The following PAK2 variants were observed in gnomAD, a reference collection of about 807,000 sequenced individuals.
The protein encoded by PAK2 is serine/threonine-protein kinase PAK 2.
PAK2 carries 21 observed loss-of-function variants against 65.9 expected under a neutral mutation model. That is an observed-to-expected ratio of 0.32 (90% CI 0.23 to 0.46). The LOEUF is 0.46. Ranked by LOEUF, PAK2 falls within the 20% of genes least tolerant of loss-of-function variation. The probability of loss-of-function intolerance (pLI) is 1.00; values close to 1 mark genes in which losing one functional copy is unlikely to be tolerated. For missense variants in PAK2, 324 were observed against 642.6 expected (o/e 0.50, Z 5.36); for synonymous variants, 204 against 219.7 (o/e 0.93, Z 0.63).
chr3:196,786,807 G>A (rs1214163664), intron 2 of PAK2, among the ~76,000 whole-genome samples: 1 of 151,168 alleles, frequency 6.6e-6, no homozygotes, highest in African/African-American at 2.4e-5. Context: ...ACCCTGTCTT[G>A]ATTACTATAT....
At chr3:196,797,513 C>T (rs983242846) in intron 2 of PAK2, among the ~76,000 whole-genome samples, 5 of 151,342 alleles carry the variant, frequency 3.3e-5, no homozygotes, top group Non-Finnish European at 7.4e-5. Flanking sequence ...CAGCACTTTG[C>T]GAGGCCGAAG....
intron 11 of PAK2, among the ~76,000 whole-genome samples, chr3:196,817,381 T>C (rs1711513616): frequency 6.6e-6 from 1 of 151,880 alleles, no homozygotes; most frequent in Non-Finnish European, 1.5e-5. Context: ...GATGGAGTCT[T>C]GCTCTGTCAC....
intron 12 of PAK2, among the ~76,000 whole-genome samples, chr3:196,819,315 G>A (rs916839132): frequency 1.3e-5 from 2 of 152,028 alleles, no homozygotes; most frequent in Non-Finnish European, 2.9e-5. Context: ...GGTGGCAGGC[G>A]CCTCTAGTCC....
At chr3:196,771,530 T>C (rs957726325) in intron 1 of PAK2, among the ~76,000 whole-genome samples, 5 of 150,776 alleles carry the variant, frequency 3.3e-5, no homozygotes, top group Non-Finnish European at 5.9e-5. Flanking sequence ...TGTTAGACCA[T>C]CTAATCTACT....
intron 1 of PAK2, among the ~76,000 whole-genome samples, chr3:196,775,789 A>G (rs1026926407): frequency 1.3e-5 from 2 of 152,216 alleles, no homozygotes; most frequent in Non-Finnish European, 2.9e-5. Flanking sequence ...CAGCCGTGAA[A>G]AAGCCTTCTG....
rs552373020 is a variant in PAK2, at chr3:196,818,257, A to C, written c.1153+101A>C. 1.4e-5 allele frequency: 8 copies of C among 586,818 alleles called. No individual in the cohort carries two copies. In the South Asian group the frequency reaches 1.8e-4, roughly 13 times the overall value. 36.4% of individuals were successfully genotyped at this position (586,818 alleles called of 1,614,324 possible). ...CCAATGCAAGGATTAATAATGATTTAATATAGGAAGAGGTGAGACCTTTGA... is the reference window on the plus strand; with the variant it reads ...CCAATGCAAGGATTAATAATGATTTCATATAGGAAGAGGTGAGACCTTTGA... On this transcript the variant is annotated intron_variant, in intron 12 of 14. Coordinates refer to ENST00000327134, the MANE Select transcript of PAK2 (RefSeq NM_002577.4).
rs144714148 is a variant in PAK2 at position 196,750,991 on chromosome 3, C to G, written c.-22+10834C>G. Among the ~76,000 whole-genome samples the G allele has an allele frequency of 1.5e-3, 233 of 152,132 alleles. No homozygotes were observed. In the East Asian group the frequency reaches 0.026, roughly 17 times the overall value. On this transcript the variant is annotated intron_variant, in intron 1 of 14. Transcript: ENST00000327134. ...TACCATCTGTCTTCAGAATTTTTTT[C>G]ATCTTCCCCAACTGAAACTCGGTAC... is the stretch of plus-strand genomic sequence containing the variant.
At chr3:196,816,928 A>C (rs1387245960) in intron 11 of PAK2, among the ~76,000 whole-genome samples, 1 of 152,110 alleles carries the variant, frequency 6.6e-6, no homozygotes. Context: ...GCTTAATATA[A>C]AATCGGGCAC....
intron 1 of PAK2, among the ~76,000 whole-genome samples, chr3:196,766,701 A>C (rs74839082): frequency 0.02 from 3,019 of 152,056 alleles, 57 homozygotes; most frequent in South Asian, 0.056. Context: ...ATCTCTCCCA[A>C]AGTAACTATT....
intron 1 of PAK2, among the ~76,000 whole-genome samples, chr3:196,746,129 C>T (rs1482469774): frequency 6.6e-6 from 1 of 152,068 alleles, no homozygotes; most frequent in Non-Finnish European, 1.5e-5. Context: ...AGCCCTTAAC[C>T]CTGTTTTAGG....
At chr3:196,786,393 C>T (rs755931782) in intron 2 of PAK2, among the ~76,000 whole-genome samples, 4 of 151,900 alleles carry the variant, frequency 2.6e-5, no homozygotes, top group Non-Finnish European at 5.9e-5. Flanking sequence ...GAACTTCTGA[C>T]CTTGTGATCC....
At chr3:196,767,457 G>A (rs1326072619) in intron 1 of PAK2, among the ~76,000 whole-genome samples, 1 of 152,000 alleles carries the variant, frequency 6.6e-6, no homozygotes, top group Non-Finnish European at 1.5e-5. Context: ...AAGAAAAGGC[G>A]AGCAATTTAT....
In PAK2 at chr3:196,806,604, C is replaced by G; in HGVS notation, c.494C>G (p.Pro165Arg). ...CTGAATGCCAAGGGAACAGAAGCAC[C>G]CGCAGTAGTGACAGAGGAGGAGGAT... is the stretch of plus-strand genomic sequence containing the variant. ...PALNAKGTEA[P>R]AVVTEEEDDD... Residue 165 changes from proline to arginine, a missense_variant, in exon 6 of 15, where the codon CCC becomes CGC. Pro to Arg is a moderately radical substitution (Grantham distance 103). This residue lies in a region of PAK2 where 183 missense variants were observed against 246.2 expected (regional missense o/e 0.74). Coordinates refer to ENST00000327134, the MANE Select transcript of PAK2 (RefSeq NM_002577.4). 1 of 1,612,526 alleles carries G rather than the reference C, an allele frequency of 6.2e-7. No homozygotes were observed. The highest frequency in any genetic ancestry group is 8.5e-7 in the Non-Finnish European group (1 of 1,178,668).
chr3:196,783,422 T>C (rs1403955318), intron 2 of PAK2, among the ~76,000 whole-genome samples: 1 of 151,920 alleles, frequency 6.6e-6, no homozygotes, highest in Non-Finnish European at 1.5e-5. Context: ...ATTACTCCAA[T>C]TAAGAATCAC....
chr3:196,756,686 AT>A (rs930121668), intron 1 of PAK2, among the ~76,000 whole-genome samples: 4 of 152,046 alleles, frequency 2.6e-5, no homozygotes, highest in Non-Finnish European at 5.9e-5. Flanking sequence ...AAATACAAAA[AT>A]TAGCTGGGCG....
At chr3:196,814,162 A>T (rs1329188120) in intron 10 of PAK2, among the ~76,000 whole-genome samples, 1 of 152,074 alleles carries the variant, frequency 6.6e-6, no homozygotes, top group Non-Finnish European at 1.5e-5. Context: ...TTTATCTCTA[A>T]AACAGGACTA....
chr3:196,786,095 C>T (rs1010383338), intron 2 of PAK2, among the ~76,000 whole-genome samples: 1 of 151,940 alleles, frequency 6.6e-6, no homozygotes, highest in Non-Finnish European at 1.5e-5. Flanking sequence ...GATTTGCCTT[C>T]TCACCCTTTC....
chr3:196,813,822 C>T (rs1470338361), intron 10 of PAK2, among the ~76,000 whole-genome samples: 2 of 151,968 alleles, frequency 1.3e-5, no homozygotes, highest in Non-Finnish European at 1.5e-5. Context: ...TGGTGCCGCA[C>T]ACCTGTAGTC....
At chr3:196,742,453 T>TGAAA (rs1713231754) in intron 1 of PAK2, among the ~76,000 whole-genome samples, 2 of 152,332 alleles carry the variant, frequency 1.3e-5, no homozygotes, top group African/African-American at 2.4e-5. Context: ...AAGATAAACT[T>TGAAA]TCAATTATAC....
Sources: allele counts gnomAD v4.1 joint callset (sites outside exome capture counted in the v4.1 genomes callset), GRCh38; gene constraint gnomAD v4.1.1; regional missense constraint gnomAD v4.1.1; transcripts MANE v1.5; gene names NCBI Gene and HGNC (gene_info 2026-07-23, HGNC 2026-07-21).